Variants in AKIP1 observed in about 807,000 individuals in gnomAD.
AKIP1 encodes the protein A-kinase-interacting protein 1.
AKIP1 carries 18 observed loss-of-function variants against 22.3 expected under a neutral mutation model. That is an observed-to-expected ratio of 0.81 (90% CI 0.56 to 1.19). AKIP1 has a LOEUF of 1.19. Ranked by LOEUF, AKIP1 falls within the 50% of genes most tolerant of loss-of-function variation. The probability of loss-of-function intolerance (pLI) is 0.00; values close to 1 mark genes in which losing one functional copy is unlikely to be tolerated. For synonymous variants in AKIP1, 120 were observed against 102.7 expected, an observed-to-expected ratio of 1.17 and a Z score of -1.02; for missense variants, 287 against 264.6, an observed-to-expected ratio of 1.08 and a Z score of -0.59.
chr11:8,911,481 A>T lies in AKIP1; in HGVS notation c.32A>T (p.Asn11Ile), dbSNP rs780983316. 6.2e-7 allele frequency: 1 copy of T among 1,605,562 alleles called. No homozygotes were observed. The highest frequency in any genetic ancestry group is 8.5e-7 in the Non-Finnish European group (1 of 1,176,426). ...AACTGTTTGGCGGCCGCAGCGCTGA[A>T]TGGGGTGGACCGACGTTCCCTGCAG... MDNCLAAAAL[N>I]GVDRRSLQRS... Residue 11 changes from asparagine (N) to isoleucine (I), a missense_variant, in exon 2 of 6, where the codon AAT (asparagine) becomes ATT (isoleucine). By Grantham distance (149) the Asn-to-Ile change is moderately radical. Coordinates refer to ENST00000309377, the MANE Select transcript of AKIP1 (RefSeq NM_020642.4).
At chr11:8,915,567 T>C (rs1036238680) in intron 4 of AKIP1, among the ~76,000 whole-genome samples, 1 of 151,546 alleles carries the variant, frequency 6.6e-6, no homozygotes, top group African/African-American at 2.4e-5. Context: ...TTTGCTATGT[T>C]GCCCAGGCTG....
intron 4 of AKIP1, among the ~76,000 whole-genome samples, chr11:8,915,424 A>G (rs914033839): frequency 1.6e-5 from 2 of 121,922 alleles, no homozygotes; most frequent in African/African-American, 6.4e-5. Context: ...AGTGCAGTGG[A>G]GCAATCATGG....
intron 4 of AKIP1, among the ~76,000 whole-genome samples, chr11:8,915,675 G>A (rs2064472967): frequency 6.8e-6 from 1 of 147,556 alleles, no homozygotes; most frequent in Non-Finnish European, 1.5e-5. Context: ...GTCTCACTCT[G>A]TCACCCAAGG....
At position 8,911,779 on chromosome 11, in the gene AKIP1, G is replaced by GAA. The variant is rs2064359976; in HGVS notation, c.222+109_222+110dup. On this transcript the variant is annotated intron_variant, in intron 2 of 5. Transcript: ENST00000309377. ...CAGCTGAGGAAACCTTCCCTTAGCG[G>GAA]AAGCTGGAAAGGATCAGAACAATGA... The GAA allele has an allele frequency of 7.9e-6, 9 of 1,134,858 alleles. No homozygotes were observed. The South Asian group carries it at 1.5e-4, about 19-fold the overall frequency. The allele number at this position is 1,134,858 out of a possible 1,614,324, so 70.3% of individuals were successfully genotyped here. A position where few individuals can be genotyped will look rare whatever the true frequency, so the allele number is the denominator to read the frequency against.
chr11:8,916,216 A>G (rs2064483852), intron 4 of AKIP1, among the ~76,000 whole-genome samples: 1 of 151,966 alleles, frequency 6.6e-6, no homozygotes, highest in Non-Finnish European at 1.5e-5. Context: ...TCAGCCTCCC[A>G]AAGTGCTGAG....
Position 8,911,573 on chromosome 11 carries a change from C to T in AKIP1, c.124C>T (p.Leu42=). Residue 42 remains leucine, a synonymous_variant, in exon 2 of 6, where the codon CTG becomes TTG. Coordinates refer to ENST00000309377, the MANE Select transcript of AKIP1 (RefSeq NM_020642.4). ...AKRRAVDWHA[L]ERPKGCMGVL... ...GAGGAGGGCGGTGGACTGGCATGCC[C>T]TGGAGCGTCCCAAAGGCTGCATGGG... The T allele has an allele frequency of 1.9e-6, 3 of 1,611,528 alleles. No individual in the cohort carries two copies. The highest frequency in any genetic ancestry group is 2.5e-6 in the Non-Finnish European group (3 of 1,179,264).
chr11:8,911,299 G>C, intron 1 of AKIP1, 76 bp downstream of exon 1: 2 of 696,542 alleles, frequency 2.9e-6, no homozygotes, highest in South Asian at 3.8e-5. Flanking sequence ...AGTCCTGGCT[G>C]GGCTCCCGCT....
At chr11:8,912,233 C>A (rs1259442189) in intron 2 of AKIP1, among the ~76,000 whole-genome samples, 3 of 150,754 alleles carry the variant, frequency 2.0e-5, no homozygotes, top group African/African-American at 7.3e-5. Flanking sequence ...TTACAGCTAT[C>A]ATCTGATAGT....
rs1384788977 is a variant in AKIP1 at position 8,912,860 on chromosome 11, G to GT, written c.303+335dup. 1.1e-3 allele frequency among the ~76,000 whole-genome samples: 126 copies of GT among 119,760 alleles called. 1 individual carries two copies. Among genetic ancestry groups the GT allele is most frequent in the African/African-American group, 3.4e-3 (118 of 34,778 alleles). The allele number at this position is 119,760 out of a possible 152,430, so 78.6% of individuals were successfully genotyped here. A position where few individuals can be genotyped will look rare whatever the true frequency, so the allele number is the denominator to read the frequency against. On this transcript the variant is annotated intron_variant, in intron 3 of 5. Coordinates refer to ENST00000309377, the MANE Select transcript of AKIP1 (RefSeq NM_020642.4). ...ATAGCAAATAAGTTAAATATTAGGG[G>GT]TTTTTTTTAACTTTTTTTTTTTTTT...
Position 8,911,549 on chromosome 11 carries a change from A to C in AKIP1, c.100A>C (p.Arg34=), listed in dbSNP as rs1483215116. 1.9e-6 allele frequency: 3 copies of C among 1,611,324 alleles called. No individual in the cohort carries two copies. Among genetic ancestry groups the C allele is most frequent in the South Asian group, 1.1e-5 (1 of 90,114 alleles). Reference sequence around the variant, plus strand: ...TCTAGAAGTGCTGGAGAGGGCCAAGAGGAGGGCGGTGGACTGGCATGCCCT... The same window carrying C: ...TCTAGAAGTGCTGGAGAGGGCCAAGCGGAGGGCGGTGGACTGGCATGCCCT... ...LALEVLERAK[R]RAVDWHALER... The change falls in exon 2 of 6, where the codon AGG becomes CGG. Residue 34 remains arginine (R), a synonymous_variant. Transcript: ENST00000309377.
At chr11:8,917,266 G>T in intron 4 of AKIP1, 21 bp from the exon 5 acceptor site, 2 of 1,549,964 alleles carry the variant, frequency 1.3e-6, no homozygotes, top group Non-Finnish European at 1.8e-6. Flanking sequence ...GCACAAATCA[G>T]TGTTCTACTT....
chr11:8,913,092 G>A (rs2064424182), intron 3 of AKIP1, among the ~76,000 whole-genome samples: 1 of 147,762 alleles, frequency 6.8e-6, no homozygotes, highest in Non-Finnish European at 1.5e-5. Flanking sequence ...TGTTACCCAG[G>A]ATGGTCTCCA....
intron 4 of AKIP1, among the ~76,000 whole-genome samples, chr11:8,916,874 G>A (rs1335244049): frequency 6.6e-6 from 1 of 152,188 alleles, no homozygotes; most frequent in Non-Finnish European, 1.5e-5. Flanking sequence ...TTATCAGTCA[G>A]CCTGTTCCCT....
intron 5 of AKIP1, among the ~76,000 whole-genome samples, chr11:8,918,512 A>C (rs2064522344): frequency 6.6e-6 from 1 of 152,178 alleles, no homozygotes; most frequent in East Asian, 1.9e-4. Context: ...GGAATCGACA[A>C]CTTCTGCCTA....
Position 8,919,501 on chromosome 11 carries a change from A to C in AKIP1, c.*21A>C. On this transcript the variant is annotated 3_prime_UTR_variant, in exon 6 of 6. Coordinates refer to ENST00000309377, the MANE Select transcript of AKIP1 (RefSeq NM_020642.4). ...TGTGATGTTGACCATCACTGCCATC[A>C]CATCACCTTTTTTTAAGTAGTAAGA... is the stretch of plus-strand genomic sequence containing the variant. The C allele has an allele frequency of 3.1e-6, 5 of 1,609,490 alleles. No homozygotes were observed. The highest frequency in any genetic ancestry group is 4.2e-6 in the Non-Finnish European group (5 of 1,178,548).
At chr11:8,912,258 A>G (rs1271971137) in intron 2 of AKIP1, among the ~76,000 whole-genome samples, 195 bp from the exon 3 acceptor site, 1 of 152,042 alleles carries the variant, frequency 6.6e-6, no homozygotes, top group Non-Finnish European at 1.5e-5. Flanking sequence ...GAAAGCCTGC[A>G]AGCCTGTCTC....
At chr11:8,917,559 T>G (rs1178826437) in intron 5 of AKIP1, 192 bp downstream of exon 5, 1 of 607,250 alleles carries the variant, frequency 1.6e-6, no homozygotes, top group Non-Finnish European at 3.0e-6. Context: ...CTTCCTTCAC[T>G]CTAAGCTTCA....
rs563023273 is a variant in AKIP1, at chr11:8,913,026, C to G, written c.303+493C>G. ...AGTAGCTGGGACTACAGGCGCCCAC[C>G]ACCACGCCCAGCTAATTTTTTTTTT... On this transcript the variant is annotated intron_variant, in intron 3 of 5. Coordinates refer to ENST00000309377, the MANE Select transcript of AKIP1 (RefSeq NM_020642.4). 9.9e-5 allele frequency among the ~76,000 whole-genome samples: 15 copies of G among 150,758 alleles called. 2 individuals carry two copies. In the East Asian group the frequency reaches 2.9e-3, roughly 29 times the overall value.
chr11:8,911,320 T>G, intron 1 of AKIP1, 97 bp downstream of exon 1: 1 of 834,994 alleles, frequency 1.2e-6, no homozygotes, highest in Non-Finnish European at 1.8e-6. Flanking sequence ...GGAGTGTGCG[T>G]TGGGGGCGGA....
Sources: gnomAD v4.1 joint callset for allele counts (sites outside exome capture counted in the v4.1 genomes callset) on GRCh38, gnomAD v4.1.1 for gene constraint, MANE v1.5 for transcripts, NCBI Gene and HGNC (gene_info 2026-07-23, HGNC 2026-07-21) for gene names.